C1QTNF3: variants seen among roughly 807,000 people sequenced by gnomAD.
C1QTNF3 encodes the protein complement C1q tumor necrosis factor-related protein 3.
Under a neutral mutation model 32.6 loss-of-function variants are expected in C1QTNF3, and 26 were observed. The ratio of observed to expected loss-of-function variants is 0.80; its 90% CI spans 0.58 to 1.11. The LOEUF (loss-of-function observed/expected upper bound fraction) is 1.11, where lower values mean the gene tolerates loss of function less well. Among genes scored for constraint, C1QTNF3 ranks in the 50% least tolerant of loss-of-function variants. The probability of loss-of-function intolerance (pLI) is 0.00; values close to 1 mark genes in which losing one functional copy is unlikely to be tolerated. For synonymous variants in C1QTNF3, 155 were observed against 146.0 expected (o/e 1.06, Z -0.44); for missense variants, 362 against 398.2 (o/e 0.91, Z 0.77).
chr5:34,230,846 T>C, the C1QTNF3 span, among the ~76,000 whole-genome samples: 1 of 152,200 alleles, frequency 6.6e-6, no homozygotes, highest in Non-Finnish European at 1.5e-5. Flanking sequence ...TCTATGTTCC[T>C]TTTGCTTTTA....
the C1QTNF3 span, among the ~76,000 whole-genome samples, chr5:34,162,643 G>A: frequency 1.3e-5 from 2 of 152,010 alleles, no homozygotes; most frequent in African/African-American, 4.8e-5. Flanking sequence ...CAGTGAAGAG[G>A]GGCTAAAATA....
chr5:34,173,229 A>C, the C1QTNF3 span, among the ~76,000 whole-genome samples: 1 of 152,172 alleles, frequency 6.6e-6, no homozygotes, highest in East Asian at 1.9e-4. Flanking sequence ...AATTTAGTAA[A>C]GCAACTTTAT....
the C1QTNF3 span, among the ~76,000 whole-genome samples, chr5:34,162,027 C>T: frequency 6.6e-6 from 1 of 151,936 alleles, no homozygotes; most frequent in Non-Finnish European, 1.5e-5. Context: ...GTTAGTTTTA[C>T]CCTGGACTGA....
the C1QTNF3 span, among the ~76,000 whole-genome samples, chr5:34,067,888 G>A: frequency 6.6e-6 from 1 of 152,060 alleles, no homozygotes; most frequent in Non-Finnish European, 1.5e-5. Flanking sequence ...TTTAATATAT[G>A]CATGCAGTTG....
the C1QTNF3 span, among the ~76,000 whole-genome samples, chr5:34,084,357 G>T: frequency 6.6e-6 from 1 of 151,762 alleles, no homozygotes; most frequent in African/African-American, 2.4e-5. Flanking sequence ...GACATTCGCT[G>T]AGAGTAAAGT....
the C1QTNF3 span, among the ~76,000 whole-genome samples, chr5:34,111,029 A>G: frequency 7.2e-5 from 11 of 152,164 alleles, no homozygotes; most frequent in African/African-American, 2.7e-4. Context: ...TATGAAACCT[A>G]TTCTTACGGT....
the C1QTNF3 span, among the ~76,000 whole-genome samples, chr5:34,228,173 GAT>G: frequency 4.6e-5 from 7 of 151,692 alleles, no homozygotes; most frequent in African/African-American, 1.7e-4. Context: ...AGTTCACAGA[GAT>G]CGTCAAACTT....
chr5:34,055,843 T>C, the C1QTNF3 span, among the ~76,000 whole-genome samples: 7 of 152,246 alleles, frequency 4.6e-5, no homozygotes, highest in Non-Finnish European at 7.3e-5. Context: ...GTGGGAAATC[T>C]GCATACATCT....
chr5:34,067,929 C>T, the C1QTNF3 span, among the ~76,000 whole-genome samples: 191 of 152,100 alleles, frequency 1.3e-3, no homozygotes, highest in Middle Eastern at 3.4e-3. Flanking sequence ...AAACTAAAAT[C>T]GTTCCTTATC....
chr5:34,084,800 G>T, the C1QTNF3 span, among the ~76,000 whole-genome samples: 1,274 of 23,994 alleles, frequency 0.053, 37 homozygotes, highest in African/African-American at 0.11. Flanking sequence ...TTTTTTTTTT[G>T]TTTTTTTTGT....
chr5:34,043,281 G>C, upstream of C1QTNF3: 1 of 707,810 alleles, frequency 1.4e-6, no homozygotes, highest in Non-Finnish European at 2.3e-6. Context: ...GCATGCCAGA[G>C]TGACAGCAGC....
chr5:34,213,219 A>T, the C1QTNF3 span, among the ~76,000 whole-genome samples: 2 of 152,268 alleles, frequency 1.3e-5, no homozygotes, highest in Non-Finnish European at 2.9e-5. Context: ...TGGCTCATTA[A>T]GATTATTATA....
chr5:34,098,534 A>T, the C1QTNF3 span, among the ~76,000 whole-genome samples: 1 of 152,022 alleles, frequency 6.6e-6, no homozygotes, highest in African/African-American at 2.4e-5. Flanking sequence ...GCGCTGAGTT[A>T]TTTGTTTGTA....
the C1QTNF3 span, among the ~76,000 whole-genome samples, chr5:34,161,204 G>A: frequency 1.3e-5 from 2 of 152,096 alleles, no homozygotes; most frequent in African/African-American, 4.8e-5. Context: ...GGTTACAAAC[G>A]CTGCCCATTC....
chr5:34,116,223 T>A, the C1QTNF3 span, among the ~76,000 whole-genome samples: 1 of 152,142 alleles, frequency 6.6e-6, no homozygotes, highest in Non-Finnish European at 1.5e-5. Context: ...GGTTGAAGAA[T>A]ATAATTTGTA....
chr5:34,197,709 G>A, the C1QTNF3 span, among the ~76,000 whole-genome samples: 1 of 152,064 alleles, frequency 6.6e-6, no homozygotes, highest in Admixed American at 6.5e-5. Flanking sequence ...TTTAACTTGT[G>A]TTGGAAGGTC....
At chr5:34,054,386 G>A in the C1QTNF3 span, among the ~76,000 whole-genome samples, 1 of 152,166 alleles carries the variant, frequency 6.6e-6, no homozygotes, top group Non-Finnish European at 1.5e-5. Flanking sequence ...CCAGGGGCCA[G>A]TAGACTTTTC....
the C1QTNF3 span, among the ~76,000 whole-genome samples, chr5:34,189,740 C>A: frequency 6.6e-6 from 1 of 152,292 alleles, no homozygotes. Flanking sequence ...CGAGGACCTG[C>A]GAGTAGGGCT....
At chr5:34,169,205 T>C in the C1QTNF3 span, 1 of 152,190 alleles carries the variant, frequency 6.6e-6, no homozygotes, top group African/African-American at 2.4e-5. Flanking sequence ...GTAAATATTT[T>C]GTAATAGTAG....
Sources: allele counts gnomAD v4.1 joint callset (sites outside exome capture counted in the v4.1 genomes callset), GRCh38; gene constraint gnomAD v4.1.1; transcripts MANE v1.5; gene names NCBI Gene and HGNC (gene_info 2026-07-23, HGNC 2026-07-21).